SOX5: variants seen among roughly 807,000 people sequenced by gnomAD.
The protein encoded by SOX5 is SRY-box transcription factor 5.
Under a neutral mutation model 92.0 loss-of-function variants are expected in SOX5, and 9 were observed. That is an observed-to-expected ratio of 0.10 (90% confidence interval 0.06 to 0.17). SOX5 has a LOEUF of 0.17. Ranked by LOEUF, SOX5 falls within the 10% of genes least tolerant of loss-of-function variation. The probability of loss-of-function intolerance (pLI) is 1.00; values close to 1 mark genes in which losing one functional copy is unlikely to be tolerated. For missense variants in SOX5, 642 were observed against 944.5 expected, an observed-to-expected ratio of 0.68 and a Z score of 4.20; for synonymous variants, 344 against 336.3, an observed-to-expected ratio of 1.02 and a Z score of -0.25.
At chr12:24,409,999 C>T in intron 1 of SOX5, among the ~76,000 whole-genome samples, 1 of 140,380 alleles carries the variant, frequency 7.1e-6, no homozygotes, top group Non-Finnish European at 1.6e-5. Flanking sequence ...TTTCACATAG[C>T]AACTTTTTTT....
At chr12:24,202,307 ATT>A (rs1957600363) in intron 4 of SOX5, among the ~76,000 whole-genome samples, 1 of 152,190 alleles carries the variant, frequency 6.6e-6, no homozygotes, top group African/African-American at 2.4e-5. Flanking sequence ...ACATACATAC[ATT>A]TTATTTAAGG....
chr12:23,599,566 G>T (rs1443535185), intron 9 of SOX5, among the ~76,000 whole-genome samples: 1 of 152,168 alleles, frequency 6.6e-6, no homozygotes, highest in East Asian at 1.9e-4. Context: ...GGCTGCTGCA[G>T]GCAATATGTA....
chr12:24,111,848 A>G lies in SOX5; in HGVS notation c.-2+101495T>C, dbSNP rs183569775. Among the ~76,000 whole-genome samples the G allele has an allele frequency of 5.9e-5, 9 of 152,186 alleles. No individual in the cohort carries two copies. In the East Asian group the frequency reaches 1.5e-3, roughly 26 times the overall value. ...ATTACTCATAAATTATTTTTCCTTGACCTTTAATTATTTTAGGTTAATTTA... is the reference window on the plus strand; with the variant it reads ...ATTACTCATAAATTATTTTTCCTTGGCCTTTAATTATTTTAGGTTAATTTA... On this transcript the variant is annotated intron_variant, in intron 4 of 4. Transcript: ENST00000446891.
At chr12:24,494,998 A>C (rs1947470748) in intron 1 of SOX5, among the ~76,000 whole-genome samples, 1 of 152,198 alleles carries the variant, frequency 6.6e-6, no homozygotes, top group Non-Finnish European at 1.5e-5. Context: ...CCATGATAGC[A>C]TGGCAATTTG....
At chr12:24,484,203 A>G (rs940051323) in intron 1 of SOX5, among the ~76,000 whole-genome samples, 3 of 152,114 alleles carry the variant, frequency 2.0e-5, no homozygotes, top group Non-Finnish European at 4.4e-5. Context: ...TCATAAGTCA[A>G]TCCCTTCGAC....
At chr12:24,257,813 G>A (rs1308453469) in intron 3 of SOX5, among the ~76,000 whole-genome samples, 2 of 152,026 alleles carry the variant, frequency 1.3e-5, no homozygotes, top group African/African-American at 4.8e-5. Context: ...CCCACAGAAG[G>A]ATCCAGTTGA....
At chr12:23,822,452 C>G (rs1257173368) in intron 3 of SOX5, among the ~76,000 whole-genome samples, 1 of 152,136 alleles carries the variant, frequency 6.6e-6, no homozygotes, top group Non-Finnish European at 1.5e-5. Flanking sequence ...GTTTCTTAAT[C>G]CTGAGGTCTA....
intron 3 of SOX5, among the ~76,000 whole-genome samples, chr12:23,807,912 C>T (rs1041641551): frequency 4.0e-5 from 6 of 151,884 alleles, no homozygotes; most frequent in Admixed American, 2.0e-4. Context: ...CCTCACAAAG[C>T]GTTGGGATTA....
chr12:23,920,757 C>A (rs1044344923), intron 1 of SOX5: 2 of 151,974 alleles, frequency 1.3e-5, no homozygotes, highest in Non-Finnish European at 2.9e-5. Context: ...CTGAATTTTC[C>A]ATAGTTACTT....
chr12:24,147,532 C>T (rs1951208666), intron 4 of SOX5, among the ~76,000 whole-genome samples: 1 of 152,196 alleles, frequency 6.6e-6, no homozygotes, highest in African/African-American at 2.4e-5. Context: ...AAGATGTCCA[C>T]TTTCACAATT....
At chr12:24,383,648 T>C (rs1281725744) in intron 1 of SOX5, among the ~76,000 whole-genome samples, 2 of 152,192 alleles carry the variant, frequency 1.3e-5, no homozygotes, top group East Asian at 3.9e-4. Flanking sequence ...GGTTATCAGA[T>C]CCAGCGTCAT....
At chr12:24,197,452 G>A (rs1957112652) in intron 4 of SOX5, among the ~76,000 whole-genome samples, 1 of 152,164 alleles carries the variant, frequency 6.6e-6, no homozygotes. Flanking sequence ...GGAAAAGGCA[G>A]TCATACAGGA....
intron 1 of SOX5, among the ~76,000 whole-genome samples, chr12:24,527,173 G>A (rs909513125): frequency 1.3e-5 from 2 of 152,134 alleles, no homozygotes; most frequent in African/African-American, 4.8e-5. Context: ...TTTGTTTACT[G>A]CTGCATCCCC....
At chr12:24,291,850 G>A (rs1366121163) in intron 2 of SOX5, among the ~76,000 whole-genome samples, 4 of 152,128 alleles carry the variant, frequency 2.6e-5, no homozygotes, top group African/African-American at 9.7e-5. Flanking sequence ...GTAGCATCAC[G>A]ACATGTATTG....
intron 4 of SOX5, among the ~76,000 whole-genome samples, chr12:23,989,218 CAAAAAA>C (rs554892984): frequency 2.6e-4 from 27 of 104,446 alleles, no homozygotes; most frequent in South Asian, 3.4e-4. Flanking sequence ...GCCAAAAATA[CAAAAAA>C]AAAAAAAAAA....
chr12:23,599,227 T>G (rs1953013783), intron 9 of SOX5, among the ~76,000 whole-genome samples: 1 of 152,310 alleles, frequency 6.6e-6, no homozygotes, highest in South Asian at 2.1e-4. Flanking sequence ...AAGTTCCAGT[T>G]TTTGCTTCTG....
chr12:24,136,397 T>C (rs1286022049), intron 4 of SOX5, among the ~76,000 whole-genome samples: 1 of 152,260 alleles, frequency 6.6e-6, no homozygotes, highest in African/African-American at 2.4e-5. Flanking sequence ...AGCATTGTTT[T>C]CAGACAAAGA....
At chr12:23,578,143 A>AAAAAAAAAAAAAC (rs1321080744) in intron 9 of SOX5, among the ~76,000 whole-genome samples, 4 of 126,114 alleles carry the variant, frequency 3.2e-5, no homozygotes, top group African/African-American at 2.8e-5. Context: ...AAAAAAAAAA[A>AAAAAAAAAAAAAC]AAAAAAACTA....
At position 23,737,264 on chromosome 12, in the gene SOX5, C is replaced by T. The variant is rs1342315068; in HGVS notation, c.742-2512G>A. Among the ~76,000 whole-genome samples the T allele has an allele frequency of 7.2e-5, 11 of 152,036 alleles. No homozygotes were observed. The East Asian group carries it at 1.2e-3, about 16-fold the overall frequency. ...CCCTATAGTTGATCACAGACCAGCACCCTGAGAGTACTTTTTAAAATATGA... is the reference window on the plus strand; with the variant it reads ...CCCTATAGTTGATCACAGACCAGCATCCTGAGAGTACTTTTTAAAATATGA... On this transcript the variant is annotated intron_variant, in intron 5 of 14. Coordinates refer to ENST00000451604, the MANE Select transcript of SOX5 (RefSeq NM_006940.6).
Sources: gnomAD v4.1 joint callset for allele counts (sites outside exome capture counted in the v4.1 genomes callset) on GRCh38, gnomAD v4.1.1 for gene constraint, MANE v1.5 for transcripts, NCBI Gene and HGNC (gene_info 2026-07-23, HGNC 2026-07-21) for gene names.